MRTFA: variants seen among roughly 807,000 people sequenced by gnomAD.
MRTFA encodes myocardin related transcription factor A, also known as myocardin-related transcription factor A.
Under a neutral mutation model 83.5 loss-of-function variants are expected in MRTFA, and 20 were observed. That is an observed-to-expected ratio of 0.24 (90% CI 0.17 to 0.35). The LOEUF (loss-of-function observed/expected upper bound fraction) is 0.35, where lower values mean the gene tolerates loss of function less well. Among genes scored for constraint, MRTFA ranks in the 10% least tolerant of loss-of-function variants. MRTFA has a pLI of 1.00. For missense variants in MRTFA, 1,200 were observed against 1,224.7 expected, an observed-to-expected ratio of 0.98 and a Z score of 0.30; for synonymous variants, 659 against 541.2, an observed-to-expected ratio of 1.22 and a Z score of -3.02.
chr22:40,469,588 G>A (rs929780556), intron 3 of MRTFA, among the ~76,000 whole-genome samples: 1 of 152,022 alleles, frequency 6.6e-6, no homozygotes, highest in African/African-American at 2.4e-5. Context: ...CAGACATATA[G>A]GATTTGAACT....
intron 3 of MRTFA, among the ~76,000 whole-genome samples, chr22:40,515,911 TAC>T (rs201339372): frequency 6.6e-6 from 1 of 152,050 alleles, no homozygotes; most frequent in African/African-American, 2.4e-5. Context: ...ACAAATTCTG[TAC>T]ACACACACAC....
At chr22:40,424,028 C>T (rs994115064) in intron 8 of MRTFA, among the ~76,000 whole-genome samples, 178 bp downstream of exon 8, 5 of 152,204 alleles carry the variant, frequency 3.3e-5, no homozygotes, top group Admixed American at 6.5e-5. Flanking sequence ...AGAGGGGCCA[C>T]TGCCCACATC....
rs1461158755 is a variant in MRTFA, at chr22:40,512,102, TCTC to T, written c.241+40001_241+40003del. Among the ~76,000 whole-genome samples the T allele has an allele frequency of 3.3e-5, 5 of 152,282 alleles. No homozygotes were observed. In the East Asian group the frequency reaches 9.6e-4, roughly 29 times the overall value. On this transcript the variant is annotated intron_variant, in intron 3 of 14. Coordinates refer to ENST00000355630, the MANE Select transcript of MRTFA (RefSeq NM_020831.6). ...CTATGAAATTAGTTCATATGTGTCATCTCCTTCCATCCTTACGGTCCCTTGTGA... is the reference window on the plus strand; with the variant it reads ...CTATGAAATTAGTTCATATGTGTCATCTTCCATCCTTACGGTCCCTTGTGA...
At chr22:40,498,671 C>A (rs1260442579) in intron 3 of MRTFA, among the ~76,000 whole-genome samples, 1 of 152,020 alleles carries the variant, frequency 6.6e-6, no homozygotes, top group African/African-American at 2.4e-5. Context: ...ACAAATGAAC[C>A]ATCAAAGCAC....
intron 3 of MRTFA, among the ~76,000 whole-genome samples, chr22:40,539,850 T>C (rs1387311272): frequency 6.6e-6 from 1 of 151,928 alleles, no homozygotes; most frequent in Admixed American, 6.6e-5. Flanking sequence ...ACACTTAAAT[T>C]TTATAAATTC....
chr22:40,562,713 G>A (rs1213295736), intron 2 of MRTFA, among the ~76,000 whole-genome samples: 1 of 78,616 alleles, frequency 1.3e-5, no homozygotes, highest in Non-Finnish European at 2.5e-5. Flanking sequence ...AGGGAAGGAG[G>A]GGAAGGGGGA....
At chr22:40,579,257 G>A (rs1269129840) in intron 2 of MRTFA, among the ~76,000 whole-genome samples, 1 of 152,164 alleles carries the variant, frequency 6.6e-6, no homozygotes, top group South Asian at 2.1e-4. Flanking sequence ...GATTTAAGAT[G>A]AATAGCCATA....
chr22:40,554,263 GA>G (rs1455627100), intron 2 of MRTFA, among the ~76,000 whole-genome samples: 4 of 152,170 alleles, frequency 2.6e-5, no homozygotes, highest in Non-Finnish European at 5.9e-5. Context: ...CTTGTGTTTT[GA>G]AATGTGAAGA....
At chr22:40,432,913 C>G (rs1385457792) in intron 5 of MRTFA, among the ~76,000 whole-genome samples, 1 of 152,218 alleles carries the variant, frequency 6.6e-6, no homozygotes, top group African/African-American at 2.4e-5. Flanking sequence ...CAGTGGAAGA[C>G]TTATTCTCTA....
chr22:40,460,598 T>C (rs145867036), intron 4 of MRTFA, among the ~76,000 whole-genome samples: 2 of 152,310 alleles, frequency 1.3e-5, no homozygotes, highest in Non-Finnish European at 2.9e-5. Flanking sequence ...AGGCACAAAG[T>C]AGACACTAAG....
At chr22:40,459,239 C>CAAAA (rs59958160) in intron 4 of MRTFA, among the ~76,000 whole-genome samples, 4 of 87,122 alleles carry the variant, frequency 4.6e-5, no homozygotes, top group East Asian at 5.5e-4. Flanking sequence ...AGGGGTCTGG[C>CAAAA]AAAAAAAAAA....
intron 1 of MRTFA, among the ~76,000 whole-genome samples, chr22:40,595,863 C>CTTTTTTTT (rs35215701): frequency 5.1e-5 from 4 of 78,116 alleles, no homozygotes; most frequent in Non-Finnish European, 7.1e-5. Flanking sequence ...TATCTAAAGT[C>CTTTTTTTT]TTTTTTTTTT....
chr22:40,431,021 T>C (rs2053059023), intron 6 of MRTFA, among the ~76,000 whole-genome samples: 1 of 152,078 alleles, frequency 6.6e-6, no homozygotes, highest in African/African-American at 2.4e-5. Context: ...TGAATGAATA[T>C]AAAAAACTAA....
intron 3 of MRTFA, among the ~76,000 whole-genome samples, chr22:40,484,181 A>C (rs890447042): frequency 3.9e-5 from 6 of 152,114 alleles, no homozygotes; most frequent in African/African-American, 1.4e-4. Context: ...AAAAAACAGT[A>C]AATTCTCACT....
intron 5 of MRTFA, 59 bp from the exon 6 acceptor site, chr22:40,431,539 C>A (rs1330797824): frequency 1.3e-6 from 2 of 1,513,282 alleles, no homozygotes; most frequent in African/African-American, 1.4e-5. Context: ...ATGGCATGGA[C>A]AGGATCACAA....
At chr22:40,561,593 G>A (rs1461701920) in intron 2 of MRTFA, among the ~76,000 whole-genome samples, 1 of 151,778 alleles carries the variant, frequency 6.6e-6, no homozygotes, top group Non-Finnish European at 1.5e-5. Flanking sequence ...ATTATCTTCA[G>A]ACACCTTAAA....
chr22:40,532,929 C>G (rs1388431425), intron 3 of MRTFA, among the ~76,000 whole-genome samples: 1 of 152,168 alleles, frequency 6.6e-6, no homozygotes, highest in Non-Finnish European at 1.5e-5. Context: ...TATCTGACTT[C>G]CAAGTGTAAA....
chr22:40,472,912 A>G (rs1044253113), intron 3 of MRTFA, among the ~76,000 whole-genome samples: 2 of 152,234 alleles, frequency 1.3e-5, no homozygotes, highest in African/African-American at 4.8e-5. Context: ...TTTGTTCAAA[A>G]GTTTCCAACA....
At position 40,620,007 on chromosome 22, in the gene MRTFA, G is replaced by C. The variant is rs533072794; in HGVS notation, c.-84+16471C>G. Among the ~76,000 whole-genome samples, 309 of 151,922 alleles carry C rather than the reference G, an allele frequency of 2.0e-3. 1 individual carries two copies. Among genetic ancestry groups the C allele is most frequent in the African/African-American group, 7.1e-3 (293 of 41,458 alleles). ...CAGAGTCTCACTGTCTCCCAGGCTG[G>C]AGTGCAGTGGCGTGATCTTGGCTCA... On this transcript the variant is annotated intron_variant, in intron 1 of 14. Transcript: ENST00000355630.
Sources: allele counts gnomAD v4.1 joint callset (sites outside exome capture counted in the v4.1 genomes callset), GRCh38; gene constraint gnomAD v4.1.1; transcripts MANE v1.5; gene names NCBI Gene and HGNC (gene_info 2026-07-23, HGNC 2026-07-21).